The following RANBP2 variants were observed in gnomAD, a reference collection of about 807,000 sequenced individuals.
RANBP2 encodes E3 SUMO-protein ligase RanBP2.
Under a neutral mutation model 303.6 loss-of-function variants are expected in RANBP2, and 57 were observed. That is an observed-to-expected ratio of 0.19 (90% CI 0.15 to 0.23). RANBP2 has a LOEUF of 0.23. Among genes scored for constraint, RANBP2 ranks in the 10% least tolerant of loss-of-function variants. The probability of loss-of-function intolerance (pLI) is 1.00; values close to 1 mark genes in which losing one functional copy is unlikely to be tolerated. For missense variants in RANBP2, 3,138 were observed against 3,780.8 expected (o/e 0.83, Z 4.46); for synonymous variants, 1,167 against 1,301.5 (o/e 0.90, Z 2.23).
chr2:109,027,242 CA>C, the RANBP2 span, among the ~76,000 whole-genome samples: 460 of 81,516 alleles, frequency 5.6e-3, 1 homozygote, highest in African/African-American at 0.016. Context: ...GGCTCTGTCT[CA>C]AAAAAAAAAA....
At chr2:109,482,575 C>T in the RANBP2 span, among the ~76,000 whole-genome samples, 4 of 152,206 alleles carry the variant, frequency 2.6e-5, no homozygotes, top group African/African-American at 4.8e-5. Context: ...GCGCCCAGCC[C>T]GGGGCCATGA....
chr2:108,850,583 C>T, the RANBP2 span, among the ~76,000 whole-genome samples: 1 of 152,112 alleles, frequency 6.6e-6, no homozygotes, highest in African/African-American at 2.4e-5. Context: ...TCCTGAGTAG[C>T]TGGGATTACA....
chr2:108,769,336 A>C (rs1677331269), intron 20 of RANBP2: 1 of 984,108 alleles, frequency 1.0e-6, no homozygotes, highest in Non-Finnish European at 1.2e-6. Flanking sequence ...CTGAGAGCAA[A>C]GGTATAGAAC....
the RANBP2 span, among the ~76,000 whole-genome samples, chr2:109,214,516 G>A: frequency 6.6e-6 from 1 of 151,896 alleles, no homozygotes; most frequent in Non-Finnish European, 1.5e-5. Context: ...CCAGGCCCTG[G>A]CGTAGAAGAC....
chr2:109,078,094 A>ATATATATATATATATATATATAGCG, the RANBP2 span, among the ~76,000 whole-genome samples: 5 of 9,684 alleles, frequency 5.2e-4, no homozygotes, highest in African/African-American at 9.5e-4. Flanking sequence ...ATATATATAT[A>ATATATATATATATATATATATAGCG]TATATATATA....
At chr2:109,705,289 C>T in the RANBP2 span, among the ~76,000 whole-genome samples, 1 of 151,856 alleles carries the variant, frequency 6.6e-6, no homozygotes, top group African/African-American at 2.4e-5. Flanking sequence ...TCTGTAATCC[C>T]AGCTACCCGG....
chr2:109,579,638 C>T, the RANBP2 span, among the ~76,000 whole-genome samples: 20 of 151,724 alleles, frequency 1.3e-4, no homozygotes, highest in Non-Finnish European at 2.9e-4. Flanking sequence ...CCACCTTGGC[C>T]TCCCAAAGTG....
the RANBP2 span, among the ~76,000 whole-genome samples, chr2:109,333,066 C>T: frequency 7.9e-5 from 12 of 152,354 alleles, no homozygotes; most frequent in Middle Eastern, 6.8e-3. Flanking sequence ...TGCTCACTGC[C>T]TGGTGCCCTG....
chr2:109,339,927 G>C, the RANBP2 span, among the ~76,000 whole-genome samples: 33 of 152,196 alleles, frequency 2.2e-4, no homozygotes, highest in African/African-American at 7.7e-4. Context: ...TCGCCTTTTG[G>C]GGGAGTGAGG....
the RANBP2 span, among the ~76,000 whole-genome samples, chr2:109,590,401 G>A: frequency 6.6e-6 from 1 of 151,684 alleles, no homozygotes; most frequent in South Asian, 2.1e-4. Flanking sequence ...ATCCTGGTTG[G>A]GCCTGACCTA....
the RANBP2 span, among the ~76,000 whole-genome samples, chr2:109,142,846 A>G: frequency 6.6e-6 from 1 of 152,094 alleles, no homozygotes; most frequent in Non-Finnish European, 1.5e-5. Context: ...GGACGTTTTC[A>G]CTCTCTAAAC....
In RANBP2 at chr2:108,766,554, T is replaced by C. The variant is rs1677136678; in HGVS notation, c.6015T>C (p.Thr2005=). The C allele has an allele frequency of 3.1e-6, 5 of 1,611,900 alleles. No individual in the cohort carries two copies. The highest frequency in any genetic ancestry group is 2.2e-5 in the South Asian group (2 of 90,984). Reference sequence around the variant, plus strand: ...AGAAAGATGATGATGCCTATAAGACTGAGGACAGCGATGACATCCATTTTG... The same window carrying C: ...AGAAAGATGATGATGCCTATAAGACCGAGGACAGCGATGACATCCATTTTG... The part of the protein sequence containing the change: ...DFEKDDDAYK[T]EDSDDIHFEP... The change falls in exon 20 of 29, where the codon ACT becomes ACC. Residue 2005 remains threonine, a synonymous_variant. Transcript: ENST00000283195.
At chr2:109,674,433 A>AG in the RANBP2 span, among the ~76,000 whole-genome samples, 12 of 150,354 alleles carry the variant, frequency 8.0e-5, no homozygotes, top group African/African-American at 2.7e-4. Flanking sequence ...AAAAAAAAAA[A>AG]ATTAACCGAG....
the RANBP2 span, among the ~76,000 whole-genome samples, chr2:109,368,056 A>G: frequency 1.3e-5 from 2 of 152,258 alleles, no homozygotes; most frequent in African/African-American, 4.8e-5. Flanking sequence ...TTAGCCAGGT[A>G]TGCCATTTTA....
the RANBP2 span, among the ~76,000 whole-genome samples, chr2:109,081,949 G>T: frequency 6.6e-6 from 1 of 152,208 alleles, no homozygotes; most frequent in Admixed American, 6.5e-5. Context: ...CTCCGTATTT[G>T]TCCTCCACAC....
At chr2:108,941,593 A>AAG in the RANBP2 span, among the ~76,000 whole-genome samples, 3 of 152,280 alleles carry the variant, frequency 2.0e-5, no homozygotes, top group Middle Eastern at 3.4e-3. Context: ...GCCAACAGGG[A>AAG]AGAGTAGAAG....
At chr2:109,445,740 T>G in the RANBP2 span, among the ~76,000 whole-genome samples, 1 of 148,824 alleles carries the variant, frequency 6.7e-6, no homozygotes, top group African/African-American at 2.5e-5. Flanking sequence ...AAGGGAGGGG[T>G]GTGGGGAAGT....
chr2:109,194,688 G>A, the RANBP2 span, among the ~76,000 whole-genome samples: 1 of 152,174 alleles, frequency 6.6e-6, no homozygotes, highest in Admixed American at 6.5e-5. Context: ...TTTCATCAGG[G>A]CAGGTGCTGA....
At chr2:108,996,610 C>T in the RANBP2 span, among the ~76,000 whole-genome samples, 2 of 152,132 alleles carry the variant, frequency 1.3e-5, no homozygotes, top group African/African-American at 4.8e-5. Flanking sequence ...TACTTCCATT[C>T]CCCCCTGCCC....
Sources: allele counts gnomAD v4.1 joint callset (sites outside exome capture counted in the v4.1 genomes callset), GRCh38; gene constraint gnomAD v4.1.1; transcripts MANE v1.5; gene names NCBI Gene and HGNC (gene_info 2026-07-23, HGNC 2026-07-21).